ZNF644: variants seen among roughly 807,000 people sequenced by gnomAD.
ZNF644 encodes zinc finger motif enhancer binding protein 2.
ZNF644 carries 20 observed loss-of-function variants against 108.0 expected under a neutral mutation model. The ratio of observed to expected loss-of-function variants is 0.19; its 90% CI spans 0.13 to 0.27. The LOEUF is 0.27. Among genes scored for constraint, ZNF644 ranks in the 10% least tolerant of loss-of-function variants. The probability of loss-of-function intolerance (pLI) is 1.00; values close to 1 mark genes in which losing one functional copy is unlikely to be tolerated. For synonymous variants in ZNF644, 542 were observed against 539.1 expected (o/e 1.01, Z -0.08); for missense variants, 1,338 against 1,548.9 (o/e 0.86, Z 2.29).
chr1:90,965,461 A>G (rs1251507930), intron 2 of ZNF644, among the ~76,000 whole-genome samples: 6 of 152,128 alleles, frequency 3.9e-5, no homozygotes, highest in Non-Finnish European at 5.9e-5. Context: ...TAAAGACCCT[A>G]TATTTCCAAG....
rs599308 is a variant in ZNF644, at chr1:90,991,269, C to A, written c.-17-8899G>T. Among the ~76,000 whole-genome samples, 233 of 152,254 alleles carry A rather than the reference C, an allele frequency of 1.5e-3. 4 individuals carry two copies. The highest frequency in any genetic ancestry group is 0.01 in the Middle Eastern group (3 of 294). ...TATAAGAATGGCTAAATTAGTAAGA[C>A]CAACCATACCAAGTGTTGGTGAACA... On this transcript the variant is annotated intron_variant, in intron 1 of 5. Transcript: ENST00000337393.
At chr1:91,001,735 G>A (rs891366122) in intron 1 of ZNF644, among the ~76,000 whole-genome samples, 6 of 152,182 alleles carry the variant, frequency 3.9e-5, no homozygotes, top group Non-Finnish European at 8.8e-5. Flanking sequence ...AGGAAAAGAA[G>A]AAGTCAAATT....
chr1:90,934,174 C>T (rs1040198312), intron 4 of ZNF644, among the ~76,000 whole-genome samples: 1 of 152,130 alleles, frequency 6.6e-6, no homozygotes, highest in African/African-American at 2.4e-5. Context: ...ATCCAGTAGA[C>T]TAAAACTCAC....
chr1:91,007,398 G>A (rs898305981), intron 1 of ZNF644, among the ~76,000 whole-genome samples: 20 of 151,994 alleles, frequency 1.3e-4, no homozygotes, highest in African/African-American at 4.6e-4. Flanking sequence ...ATTTTTAGCA[G>A]AGACAGGGTT....
chr1:90,987,622 A>G (rs1258058764), intron 1 of ZNF644, among the ~76,000 whole-genome samples: 1 of 151,906 alleles, frequency 6.6e-6, no homozygotes, highest in Non-Finnish European at 1.5e-5. Context: ...ATTAACACCA[A>G]TCTTCCTCAA....
chr1:91,000,088 G>T (rs1396433503), intron 1 of ZNF644, among the ~76,000 whole-genome samples: 1 of 152,062 alleles, frequency 6.6e-6, no homozygotes, highest in Non-Finnish European at 1.5e-5. Context: ...CAATAATAAA[G>T]GGAGACTTTA....
intron 2 of ZNF644, among the ~76,000 whole-genome samples, chr1:90,971,809 G>C (rs1272868713): frequency 3.3e-5 from 5 of 152,086 alleles, no homozygotes; most frequent in African/African-American, 4.8e-5. Flanking sequence ...AAGGAGAGAG[G>C]GAGTCTGACT....
intron 2 of ZNF644, among the ~76,000 whole-genome samples, chr1:90,942,808 A>G (rs1652125740): frequency 6.6e-6 from 1 of 152,196 alleles, no homozygotes; most frequent in Non-Finnish European, 1.5e-5. Flanking sequence ...TAATTGAAGT[A>G]CTGGCATCAT....
At chr1:90,954,863 T>C (rs1004399487) in intron 2 of ZNF644, among the ~76,000 whole-genome samples, 2 of 152,240 alleles carry the variant, frequency 1.3e-5, no homozygotes, top group African/African-American at 4.8e-5. Flanking sequence ...CCTCCTCCCA[T>C]GAATCACAAA....
At chr1:91,002,310 G>A (rs898496320) in intron 1 of ZNF644, among the ~76,000 whole-genome samples, 17 of 152,078 alleles carry the variant, frequency 1.1e-4, no homozygotes, top group African/African-American at 3.9e-4. Context: ...AAAACAGCAT[G>A]GTACTGGTAC....
At chr1:90,967,991 G>A (rs1040800758) in intron 2 of ZNF644, among the ~76,000 whole-genome samples, 4 of 150,140 alleles carry the variant, frequency 2.7e-5, no homozygotes, top group Admixed American at 2.0e-4. Flanking sequence ...AATCTGGGAG[G>A]CGGAGGTTGC....
intron 2 of ZNF644, among the ~76,000 whole-genome samples, chr1:90,959,743 A>C (rs1654135174): frequency 6.6e-6 from 1 of 152,180 alleles, no homozygotes; most frequent in Non-Finnish European, 1.5e-5. Flanking sequence ...TACGTAATGA[A>C]TACGCAGTGT....
At chr1:90,981,694 C>A (rs1264284952) in intron 2 of ZNF644, among the ~76,000 whole-genome samples, 1 of 152,044 alleles carries the variant, frequency 6.6e-6, no homozygotes, top group African/African-American at 2.4e-5. Flanking sequence ...TACCAAAGTA[C>A]ATGATGCCAA....
intron 1 of ZNF644, among the ~76,000 whole-genome samples, chr1:90,987,780 A>G (rs771937249): frequency 2.6e-5 from 4 of 152,166 alleles, no homozygotes; most frequent in East Asian, 3.8e-4. Flanking sequence ...AAAAATCTAC[A>G]ACAAAATAGG....
intron 2 of ZNF644, among the ~76,000 whole-genome samples, chr1:90,954,831 CAT>C: frequency 6.6e-6 from 1 of 152,316 alleles, no homozygotes; most frequent in East Asian, 1.9e-4. Flanking sequence ...CTTCCAAACT[CAT>C]ATTAATGTTG....
chr1:90,995,933 T>A (rs184259804), intron 1 of ZNF644, among the ~76,000 whole-genome samples: 1 of 152,248 alleles, frequency 6.6e-6, no homozygotes, highest in African/African-American at 2.4e-5. Context: ...AGACTTCCAA[T>A]CTCCAGAACT....
intron 2 of ZNF644, among the ~76,000 whole-genome samples, chr1:90,945,083 A>G (rs535822360): frequency 6.6e-6 from 1 of 152,296 alleles, no homozygotes; most frequent in Admixed American, 6.5e-5. Flanking sequence ...TAACAGAGAC[A>G]TCAATACCAG....
chr1:90,923,659 C>A (rs187247816), intron 4 of ZNF644, among the ~76,000 whole-genome samples: 2 of 151,864 alleles, frequency 1.3e-5, no homozygotes, highest in Non-Finnish European at 2.9e-5. Context: ...TTAGAGTTTC[C>A]ACTCCCAATG....
intron 2 of ZNF644, among the ~76,000 whole-genome samples, chr1:90,978,980 G>A (rs1570486767): frequency 1.3e-5 from 2 of 152,264 alleles, no homozygotes; most frequent in East Asian, 1.9e-4. Context: ...CTGCAGAAAG[G>A]AAAAGCAACA....
Sources: gnomAD v4.1 joint callset for allele counts (sites outside exome capture counted in the v4.1 genomes callset) on GRCh38, gnomAD v4.1.1 for gene constraint, MANE v1.5 for transcripts, NCBI Gene and HGNC (gene_info 2026-07-23, HGNC 2026-07-21) for gene names.